PTPN2: variants seen among roughly 807,000 people sequenced by gnomAD.
PTPN2 encodes tyrosine-protein phosphatase non-receptor type 2.
Under a neutral mutation model 57.3 loss-of-function variants are expected in PTPN2, and 19 were observed. The observed-to-expected ratio is 0.33, with a 90% CI of 0.23 to 0.49. The LOEUF (loss-of-function observed/expected upper bound fraction) is 0.49. PTPN2 is among the 20% of genes least tolerant of loss of function. PTPN2 has a pLI of 0.99. For synonymous variants in PTPN2, 153 were observed against 164.9 expected (o/e 0.93, Z 0.55); for missense variants, 358 against 501.1 (o/e 0.71, Z 2.73).
intron 1 of PTPN2, among the ~76,000 whole-genome samples, chr18:12,881,742 T>C (rs771822698): frequency 1.3e-5 from 2 of 152,186 alleles, no homozygotes; most frequent in Non-Finnish European, 2.9e-5. Flanking sequence ...AGAACTCCCA[T>C]GTGTACCCCT....
chr18:12,811,252 G>A (rs2041880005), intron 7 of PTPN2, among the ~76,000 whole-genome samples: 1 of 152,052 alleles, frequency 6.6e-6, no homozygotes, highest in South Asian at 2.1e-4. Flanking sequence ...AAAGATGTGT[G>A]TTCAACAAAG....
intron 8 of PTPN2, among the ~76,000 whole-genome samples, chr18:12,801,385 C>T (rs1036865928): frequency 5.3e-5 from 8 of 151,740 alleles, no homozygotes; most frequent in East Asian, 1.9e-4. Context: ...TGGTGGTGGG[C>T]GCCTGTAATC....
chr18:12,870,466 G>T (rs1475291463), intron 1 of PTPN2, among the ~76,000 whole-genome samples: 16 of 73,162 alleles, frequency 2.2e-4, no homozygotes, highest in Admixed American at 7.1e-4. Context: ...TATATATAGA[G>T]AGAGAGAGAG....
At chr18:12,804,902 A>G (rs2041584408) in intron 7 of PTPN2, among the ~76,000 whole-genome samples, 1 of 152,240 alleles carries the variant, frequency 6.6e-6, no homozygotes, top group Non-Finnish European at 1.5e-5. Context: ...CCAAAACCAG[A>G]CAAGGACACA....
At chr18:12,807,600 T>TATATA (rs2041725166) in intron 7 of PTPN2, among the ~76,000 whole-genome samples, 2 of 85,212 alleles carry the variant, frequency 2.3e-5, no homozygotes, top group African/African-American at 3.6e-5. Context: ...TATATATATA[T>TATATA]ATATAATATA....
intron 8 of PTPN2, 106 bp from the exon 9 acceptor site, chr18:12,794,591 C>T: frequency 7.5e-7 from 1 of 1,342,000 alleles, no homozygotes; most frequent in Non-Finnish European, 1.0e-6. Context: ...ATAGTTTTCA[C>T]CCTATTTGAA....
chr18:12,818,659 GTT>G (rs762467729), intron 5 of PTPN2, among the ~76,000 whole-genome samples: 1 of 143,714 alleles, frequency 7.0e-6, no homozygotes, highest in Admixed American at 7.0e-5. Context: ...ATTGTAGGAG[GTT>G]TTTTTTTTTT....
At chr18:12,815,273 A>G (rs1280982194) in intron 6 of PTPN2, among the ~76,000 whole-genome samples, 3 of 150,880 alleles carry the variant, frequency 2.0e-5, no homozygotes, top group South Asian at 2.1e-4. Context: ...TTAGCTGGGC[A>G]TGGTGGTACG....
intron 1 of PTPN2, 134 bp downstream of exon 1, chr18:12,883,939 G>A (rs1168703327): frequency 7.3e-6 from 5 of 683,168 alleles, no homozygotes; most frequent in African/African-American, 3.9e-5. Flanking sequence ...CCCTGACGCG[G>A]ACCGCGCCGC....
At chr18:12,884,045 G>C (rs1490849723) in intron 1 of PTPN2, 28 bp downstream of exon 1, 1 of 1,549,608 alleles carries the variant, frequency 6.5e-7, no homozygotes. Context: ...GAGGAGGTCG[G>C]CGACTGCCGC....
At chr18:12,883,205 C>A (rs2044721853) in intron 1 of PTPN2, among the ~76,000 whole-genome samples, 1 of 152,180 alleles carries the variant, frequency 6.6e-6, no homozygotes. Flanking sequence ...ATTTGTGACA[C>A]CCGTCTGGGA....
rs940179820 is a variant in PTPN2 at position 12,806,649 on chromosome 18, C to T, written c.859-4498G>A. On this transcript the variant is annotated intron_variant, in intron 7 of 8. Transcript: ENST00000309660. ...GCATGGAAATAAATCTACGTATTTA[C>T]AGCCAATTTATTTTTGACAAAGATG... Among the ~76,000 whole-genome samples, 4 of 151,994 alleles carry T rather than the reference C, an allele frequency of 2.6e-5. No homozygotes were observed. In the East Asian group the frequency reaches 7.7e-4, roughly 29 times the overall value.
intron 4 of PTPN2, among the ~76,000 whole-genome samples, chr18:12,826,572 C>CTT (rs1205745458): frequency 6.6e-6 from 1 of 152,066 alleles, no homozygotes; most frequent in Admixed American, 6.6e-5. Context: ...TCTCCATAGG[C>CTT]TTTTCTTTTC....
intron 6 of PTPN2, among the ~76,000 whole-genome samples, chr18:12,816,139 A>C (rs1354926858): frequency 6.6e-6 from 1 of 152,180 alleles, no homozygotes; most frequent in Non-Finnish European, 1.5e-5. Context: ...CCTTGTCTCT[A>C]CTAAAAATAA....
intron 7 of PTPN2, among the ~76,000 whole-genome samples, chr18:12,803,123 A>G (rs2145254036): frequency 6.6e-6 from 1 of 152,312 alleles, no homozygotes; most frequent in African/African-American, 2.4e-5. Flanking sequence ...GGGGAGGGTA[A>G]AAGCCAAAAA....
chr18:12,823,668 T>C (rs1361778666), intron 5 of PTPN2, among the ~76,000 whole-genome samples: 1 of 151,974 alleles, frequency 6.6e-6, no homozygotes, highest in Non-Finnish European at 1.5e-5. Context: ...GAATGAGACT[T>C]TGTCTTAAAA....
At chr18:12,851,958 A>G (rs1388537220) in intron 2 of PTPN2, among the ~76,000 whole-genome samples, 6 of 152,170 alleles carry the variant, frequency 3.9e-5, no homozygotes, top group Non-Finnish European at 1.5e-5. Context: ...AAAGACAAAT[A>G]CTGCATGATT....
chr18:12,827,482 A>C (rs1241850669), intron 4 of PTPN2, among the ~76,000 whole-genome samples: 2 of 151,734 alleles, frequency 1.3e-5, no homozygotes, highest in Non-Finnish European at 2.9e-5. Context: ...CTTCAGCCTC[A>C]ATCTTCTGGG....
intron 2 of PTPN2, among the ~76,000 whole-genome samples, chr18:12,846,187 G>A (rs1421511295): frequency 2.0e-5 from 3 of 152,146 alleles, no homozygotes; most frequent in Non-Finnish European, 2.9e-5. Context: ...CTCATGACTG[G>A]TCATGACCAC....
Sources: gnomAD v4.1 joint callset for allele counts (sites outside exome capture counted in the v4.1 genomes callset) on GRCh38, gnomAD v4.1.1 for gene constraint, MANE v1.5 for transcripts, NCBI Gene and HGNC (gene_info 2026-07-23, HGNC 2026-07-21) for gene names.